The following COL5A2 variants were observed in gnomAD, a reference collection of about 807,000 sequenced individuals.
COL5A2 encodes the protein collagen type V alpha 2 chain.
A neutral mutation model predicts 208.2 loss-of-function variants in COL5A2; 23 were observed. That is an observed-to-expected ratio of 0.11 (90% CI 0.08 to 0.16). The LOEUF is 0.16. Among genes scored for constraint, COL5A2 ranks in the 10% least tolerant of loss-of-function variants. The pLI, the probability that COL5A2 is intolerant of heterozygous loss-of-function variation, is 1.00. For synonymous variants in COL5A2, 625 were observed against 628.5 expected (o/e 0.99, Z 0.08); for missense variants, 1,590 against 1,956.4 (o/e 0.81, Z 3.53).
intron 1 of COL5A2, among the ~76,000 whole-genome samples, chr2:189,217,930 A>G (rs1689299265): frequency 6.6e-6 from 1 of 152,154 alleles, no homozygotes; most frequent in African/African-American, 2.4e-5. Flanking sequence ...TTCCTTCAAC[A>G]AAGAGCTGCT....
At chr2:189,281,301 T>C in the COL5A2 span, among the ~76,000 whole-genome samples, 1 of 152,130 alleles carries the variant, frequency 6.6e-6, no homozygotes, top group South Asian at 2.1e-4. Flanking sequence ...AAACAGTTCA[T>C]CATAAGCAGT....
intron 1 of COL5A2, among the ~76,000 whole-genome samples, chr2:189,121,534 A>G (rs890178779): frequency 2.6e-5 from 4 of 152,108 alleles, no homozygotes; most frequent in African/African-American, 9.7e-5. Flanking sequence ...GGTGCGGGCC[A>G]GCAGTCCAGA....
chr2:189,374,802 T>C, the COL5A2 span, among the ~76,000 whole-genome samples: 10 of 152,144 alleles, frequency 6.6e-5, no homozygotes, highest in African/African-American at 2.4e-4. Context: ...CAAATAAATA[T>C]AAATGGATAG....
At chr2:189,227,902 C>G (rs1689439333), upstream of COL5A2, among the ~76,000 whole-genome samples, 1 of 151,918 alleles carries the variant, frequency 6.6e-6, no homozygotes, top group South Asian at 2.1e-4. Flanking sequence ...AATATGCATT[C>G]TTCTCTCCAG....
intron 17 of COL5A2, among the ~76,000 whole-genome samples, chr2:189,074,409 A>G (rs979643322): frequency 6.6e-6 from 1 of 152,284 alleles, no homozygotes; most frequent in Non-Finnish European, 1.5e-5. Context: ...GCAAAATACA[A>G]TAGCCTTGTC....
the COL5A2 span, among the ~76,000 whole-genome samples, chr2:189,381,035 G>A: frequency 5.3e-5 from 8 of 151,940 alleles, no homozygotes; most frequent in Non-Finnish European, 1.2e-4. Context: ...AAACTAAACC[G>A]TGGGAATTAC....
At chr2:189,211,142 A>G (rs192151602) in intron 1 of COL5A2, among the ~76,000 whole-genome samples, 165 of 152,324 alleles carry the variant, frequency 1.1e-3, no homozygotes, top group African/African-American at 3.5e-3. Flanking sequence ...GTGAAGCCCT[A>G]TATAAACTTC....
At chr2:189,294,650 T>A in the COL5A2 span, among the ~76,000 whole-genome samples, 5,614 of 152,308 alleles carry the variant, frequency 0.037, 118 homozygotes, top group Admixed American at 0.05. Flanking sequence ...TATATTTTCA[T>A]TATGTACTGG....
chr2:189,403,368 G>C, the COL5A2 span, among the ~76,000 whole-genome samples: 4 of 152,170 alleles, frequency 2.6e-5, no homozygotes, highest in African/African-American at 9.7e-5. Context: ...GTGATACTTT[G>C]ACTTCCTCTC....
the COL5A2 span, among the ~76,000 whole-genome samples, chr2:189,435,399 A>G: frequency 1.3e-5 from 2 of 152,208 alleles, no homozygotes; most frequent in African/African-American, 4.8e-5. Context: ...AACCTACAGA[A>G]TGGGAGAAAA....
the COL5A2 span, among the ~76,000 whole-genome samples, chr2:189,251,190 T>C: frequency 1.3e-5 from 2 of 151,996 alleles, no homozygotes; most frequent in Non-Finnish European, 2.9e-5. Flanking sequence ...ATTATAATAA[T>C]AAAGTTAGAA....
the COL5A2 span, among the ~76,000 whole-genome samples, chr2:189,266,541 T>A: frequency 6.6e-6 from 1 of 152,148 alleles, no homozygotes; most frequent in African/African-American, 2.4e-5. Context: ...TTTATGATCC[T>A]AAATCTATGA....
chr2:189,245,843 CTG>C, the COL5A2 span, among the ~76,000 whole-genome samples: 1 of 152,176 alleles, frequency 6.6e-6, no homozygotes, highest in Non-Finnish European at 1.5e-5. Context: ...AGAGTTGAAA[CTG>C]TGTTTCTTCT....
chr2:189,376,796 T>C, the COL5A2 span, among the ~76,000 whole-genome samples: 32 of 152,272 alleles, frequency 2.1e-4, 1 homozygote, highest in Non-Finnish European at 3.8e-4. Flanking sequence ...TCCACCTGAA[T>C]TATTTAGAAG....
the COL5A2 span, among the ~76,000 whole-genome samples, chr2:189,351,992 C>T: frequency 1.3e-5 from 2 of 151,108 alleles, no homozygotes; most frequent in African/African-American, 4.9e-5. Flanking sequence ...GTGTGTGATG[C>T]TCCCCGCCCC....
rs149564958 is a variant in COL5A2 at position 189,154,803 on chromosome 2, T to C, written c.97+24705A>G. On this transcript the variant is annotated intron_variant, in intron 1 of 53. Coordinates refer to ENST00000374866, the MANE Select transcript of COL5A2 (RefSeq NM_000393.5). ...TTAAAAGGAGAATTCTACTAGACTT[T>C]GGTTCTATGAGTTTAGCACCTCCAT... is the stretch of plus-strand genomic sequence containing the variant. 2.8e-3 allele frequency among the ~76,000 whole-genome samples: 423 copies of C among 152,276 alleles called. 1 individual carries two copies. The highest frequency in any genetic ancestry group is 8.9e-3 in the African/African-American group (370 of 41,564).
At chr2:189,220,050 C>T (rs1027324553) in intron 1 of COL5A2, among the ~76,000 whole-genome samples, 2 of 152,076 alleles carry the variant, frequency 1.3e-5, no homozygotes, top group African/African-American at 2.4e-5. Context: ...CATGATGGGT[C>T]GAAATGCAGG....
chr2:189,382,064 T>C, the COL5A2 span, among the ~76,000 whole-genome samples: 1 of 152,304 alleles, frequency 6.6e-6, no homozygotes, highest in South Asian at 2.1e-4. Flanking sequence ...TTTTTCCATA[T>C]CCATTAAACT....
chr2:189,055,397 T>G (rs1315638889), intron 35 of COL5A2, among the ~76,000 whole-genome samples: 1 of 152,212 alleles, frequency 6.6e-6, no homozygotes, highest in Non-Finnish European at 1.5e-5. Context: ...TTCTCTATCT[T>G]ATAACTGTGT....
Sources: allele counts gnomAD v4.1 joint callset (sites outside exome capture counted in the v4.1 genomes callset), GRCh38; gene constraint gnomAD v4.1.1; transcripts MANE v1.5; gene names NCBI Gene and HGNC (gene_info 2026-07-23, HGNC 2026-07-21).